The following RABGAP1L variants were observed in gnomAD, a reference collection of about 807,000 sequenced individuals.
RABGAP1L encodes rab GTPase-activating protein 1-like.
In RABGAP1L, 63 loss-of-function variants were observed where a neutral mutation model predicts 137.7. The observed-to-expected ratio is 0.46, with a 90% CI of 0.37 to 0.56. The LOEUF (loss-of-function observed/expected upper bound fraction) is 0.56, where lower values mean the gene tolerates loss of function less well. RABGAP1L is among the 20% of genes least tolerant of loss of function. RABGAP1L has a pLI of 0.00. For synonymous variants in RABGAP1L, 431 were observed against 433.7 expected, an observed-to-expected ratio of 0.99 and a Z score of 0.08; for missense variants, 1,095 against 1,244.0, an observed-to-expected ratio of 0.88 and a Z score of 1.80.
At chr1:174,733,574 C>T (rs1033402060) in intron 17 of RABGAP1L, among the ~76,000 whole-genome samples, 1 of 152,238 alleles carries the variant, frequency 6.6e-6, no homozygotes, top group Non-Finnish European at 1.5e-5. Context: ...TGGGCTCCCC[C>T]TGTCCCCTAA....
chr1:174,828,264 G>T (rs1423727825), intron 19 of RABGAP1L, among the ~76,000 whole-genome samples: 1 of 147,856 alleles, frequency 6.8e-6, no homozygotes, highest in East Asian at 2.1e-4. Context: ...CTCCGGCTTT[G>T]GTTTCTGTCC....
At chr1:174,889,782 T>A (rs1411230472) in intron 19 of RABGAP1L, among the ~76,000 whole-genome samples, 1 of 152,090 alleles carries the variant, frequency 6.6e-6, no homozygotes, top group Non-Finnish European at 1.5e-5. Context: ...CAGGCTGGAG[T>A]ACAGTGGTGC....
At chr1:174,679,934 A>G (rs1677920624) in intron 14 of RABGAP1L, among the ~76,000 whole-genome samples, 1 of 152,214 alleles carries the variant, frequency 6.6e-6, no homozygotes, top group Non-Finnish European at 1.5e-5. Context: ...CTTATTTCAA[A>G]GTGGATTACA....
At chr1:174,978,930 G>A (rs1297706124) in intron 23 of RABGAP1L, 40 bp downstream of exon 23, 1 of 1,456,722 alleles carries the variant, frequency 6.9e-7, no homozygotes, top group Non-Finnish European at 9.0e-7. Context: ...GTTATAGTTT[G>A]CTGCTATAAA....
intron 13 of RABGAP1L, among the ~76,000 whole-genome samples, chr1:174,407,963 A>G (rs149557906): frequency 2.3e-4 from 35 of 152,324 alleles, no homozygotes; most frequent in African/African-American, 7.7e-4. Context: ...CACTCACCAC[A>G]ATAGCAACCC....
At chr1:174,428,176 GA>G (rs1298026181) in intron 13 of RABGAP1L, among the ~76,000 whole-genome samples, 1 of 152,092 alleles carries the variant, frequency 6.6e-6, no homozygotes, top group East Asian at 1.9e-4. Flanking sequence ...AGATCTTTGG[GA>G]CAGAAATGCT....
intron 11 of RABGAP1L, among the ~76,000 whole-genome samples, chr1:174,342,264 G>A (rs1487159488): frequency 6.6e-6 from 1 of 152,118 alleles, no homozygotes; most frequent in Admixed American, 6.5e-5. Flanking sequence ...AGTTCTTATT[G>A]TTGTTGACTA....
chr1:174,489,757 T>C (rs993317326), intron 13 of RABGAP1L, among the ~76,000 whole-genome samples: 12 of 152,114 alleles, frequency 7.9e-5, no homozygotes, highest in African/African-American at 2.7e-4. Flanking sequence ...CTATTCACAA[T>C]AGCAAAGACT....
intron 23 of RABGAP1L, among the ~76,000 whole-genome samples, chr1:174,979,452 A>T (rs1389905515): frequency 6.6e-6 from 1 of 152,102 alleles, no homozygotes; most frequent in Non-Finnish European, 1.5e-5. Context: ...GAATAGAAAA[A>T]CCTTTTGATG....
At position 174,448,356 on chromosome 1, in the gene RABGAP1L, C is replaced by T. The variant is rs772421714; in HGVS notation, c.1710+54211C>T. The T allele has an allele frequency of 1.4e-5, 22 of 1,613,724 alleles. No individual in the cohort carries two copies. The highest frequency in any genetic ancestry group is 2.7e-5 in the African/African-American group (2 of 74,904). The stretch of plus-strand genomic sequence containing the variant: ...TATACTACCAGCTATTTCATTCAGA[C>T]GATGGCATATGCTGATCTTTTCGTT... On this transcript the variant is annotated intron_variant, in intron 13 of 25. Transcript: ENST00000681986. The surrounding 1 kb of genome is among the most constrained non-coding windows in gnomAD (Gnocchi z 4.2).
chr1:174,396,646 A>T (rs1271202793), intron 13 of RABGAP1L, among the ~76,000 whole-genome samples: 1 of 152,012 alleles, frequency 6.6e-6, no homozygotes. Context: ...GGTAACTGCC[A>T]TACCCCTTTT....
At chr1:174,218,675 TGAG>T (rs879683998) in intron 1 of RABGAP1L, among the ~76,000 whole-genome samples, 16 of 152,284 alleles carry the variant, frequency 1.1e-4, no homozygotes, top group Admixed American at 4.6e-4. Flanking sequence ...TATTCGGTCT[TGAG>T]GAGATAAGTT....
At chr1:174,674,489 A>AGTGG (rs1557972920) in intron 14 of RABGAP1L, among the ~76,000 whole-genome samples, 2 of 147,982 alleles carry the variant, frequency 1.4e-5, no homozygotes, top group African/African-American at 4.9e-5. Context: ...GTCTATCATT[A>AGTGG]TTGGACATTT....
At chr1:174,780,068 CAATAAATAAATAAATAAATAAATAAATA>C (rs367683847) in intron 18 of RABGAP1L, among the ~76,000 whole-genome samples, 5 of 92,250 alleles carry the variant, frequency 5.4e-5, no homozygotes, top group African/African-American at 1.4e-4. Flanking sequence ...CTCCATCTTA[CAATAAATAAATAAATAAATAAATAAATA>C]AATAAATAAA....
chr1:174,822,461 G>T (rs995873374), intron 19 of RABGAP1L, among the ~76,000 whole-genome samples: 3 of 152,180 alleles, frequency 2.0e-5, no homozygotes, highest in Non-Finnish European at 4.4e-5. Context: ...GAGGAAACAG[G>T]TCAGAGCTCC....
chr1:174,364,177 A>G (rs1213761396), intron 11 of RABGAP1L, among the ~76,000 whole-genome samples: 6 of 144,964 alleles, frequency 4.1e-5, no homozygotes, highest in Admixed American at 4.1e-4. Flanking sequence ...GTTATTCTTT[A>G]CTTAGAGGCT....
At chr1:174,465,798 C>G (rs1213239639) in intron 13 of RABGAP1L, among the ~76,000 whole-genome samples, 4 of 152,142 alleles carry the variant, frequency 2.6e-5, no homozygotes, top group Admixed American at 2.0e-4. Flanking sequence ...CATGCATGGA[C>G]TTGGCACTTT....
chr1:174,212,684 A>G (rs1230575428), intron 1 of RABGAP1L, among the ~76,000 whole-genome samples: 2 of 152,094 alleles, frequency 1.3e-5, no homozygotes, highest in Non-Finnish European at 2.9e-5. Context: ...AAGAAATAAT[A>G]AAGATCAGGG....
At chr1:174,546,856 C>T (rs1459103880) in intron 13 of RABGAP1L, among the ~76,000 whole-genome samples, 1 of 151,262 alleles carries the variant, frequency 6.6e-6, no homozygotes, top group Non-Finnish European at 1.5e-5. Flanking sequence ...CGGTGAAACC[C>T]CGTCTCTACT....
Sources: gnomAD v4.1 joint callset for allele counts (sites outside exome capture counted in the v4.1 genomes callset) on GRCh38, gnomAD v4.1.1 for gene constraint, Gnocchi (gnomAD v3.1) non-coding constraint, MANE v1.5 for transcripts, NCBI Gene and HGNC (gene_info 2026-07-23, HGNC 2026-07-21) for gene names.